NUP160: variants seen among roughly 807,000 people sequenced by gnomAD.
The protein encoded by NUP160 is nucleoporin 160, also known as nuclear pore complex protein Nup160.
A neutral mutation model predicts 196.9 loss-of-function variants in NUP160; 94 were observed. The ratio of observed to expected loss-of-function variants is 0.48; its 90% confidence interval spans 0.40 to 0.57. The LOEUF is 0.57. NUP160 is among the 20% of genes least tolerant of loss of function. The pLI is 0.00. For synonymous variants in NUP160, 605 were observed against 619.7 expected (o/e 0.98, Z 0.35); for missense variants, 1,638 against 1,748.3 (o/e 0.94, Z 1.13).
At chr11:47,821,974 T>C (rs921095767) in intron 8 of NUP160, 113 bp downstream of exon 8, 17 of 985,204 alleles carry the variant, frequency 1.7e-5, no homozygotes, top group Non-Finnish European at 2.2e-5. Flanking sequence ...TTTTGTTCCA[T>C]ATATCATGAA....
exon 3 of NUP160, chr11:47,840,385 T>G: frequency 6.2e-7 from 1 of 1,612,990 alleles, no homozygotes; most frequent in Middle Eastern, 1.7e-4. Context: ...TACACTCCTA[T>G]ACATCCGGGA....
At chr11:47,834,723 A>T (rs1210193085) in intron 7 of NUP160, among the ~76,000 whole-genome samples, 2 of 152,156 alleles carry the variant, frequency 1.3e-5, no homozygotes, top group Non-Finnish European at 2.9e-5. Context: ...AGTGAGTGAG[A>T]AGGGCGTGCA....
exon 12 of NUP160, chr11:47,815,998 T>A (rs777974474): frequency 6.2e-7 from 1 of 1,613,752 alleles, no homozygotes; most frequent in Non-Finnish European, 8.5e-7. Flanking sequence ...CCAGGAAAGA[T>A]CCAAATTCCT....
intron 18 of NUP160, among the ~76,000 whole-genome samples, chr11:47,807,727 C>T (rs1363765925): frequency 6.6e-6 from 1 of 152,106 alleles, no homozygotes; most frequent in East Asian, 1.9e-4. Flanking sequence ...GAAGCTCAGC[C>T]TACCTAAAGT....
At chr11:47,786,428 C>T in intron 32 of NUP160, 25 bp downstream of exon 32, 2 of 1,481,234 alleles carry the variant, frequency 1.4e-6, no homozygotes, top group Non-Finnish European at 1.9e-6. Flanking sequence ...GCAAAACTAC[C>T]CAGGGTTGAA....
intron 35 of NUP160, 107 bp from the exon 36 acceptor site, chr11:47,779,301 G>T (rs868153277): frequency 1.3e-5 from 9 of 676,496 alleles, no homozygotes; most frequent in Middle Eastern, 3.6e-4. Flanking sequence ...TTATAAAGAT[G>T]TTAGCCACTC....
At chr11:47,783,050 G>T in intron 34 of NUP160, 23 bp downstream of exon 34, 1 of 1,598,894 alleles carries the variant, frequency 6.3e-7, no homozygotes, top group South Asian at 1.1e-5. Context: ...ATTGTAAATT[G>T]GGGACCATTT....
chr11:47,815,343 C>A, intron 13 of NUP160, 136 bp downstream of exon 13: 1 of 529,428 alleles, frequency 1.9e-6, no homozygotes, highest in Non-Finnish European at 3.1e-6. Flanking sequence ...AATGCAAAGT[C>A]CTAAATGCTA....
intron 35 of NUP160, 88 bp from the exon 36 acceptor site, chr11:47,779,282 G>C (rs2097659267): frequency 1.3e-6 from 1 of 785,168 alleles, no homozygotes; most frequent in Admixed American, 2.5e-5. Context: ...TCACCAAGTA[G>C]ATTCCACCTT....
At chr11:47,839,966 C>T (rs1157582077) in exon 4 of NUP160, 32 of 1,614,078 alleles carry the variant, frequency 2.0e-5, no homozygotes, top group Non-Finnish European at 2.7e-5. Context: ...GGAGATATTC[C>T]AGGTACTGCT....
At chr11:47,797,743 G>A (rs1226669963) in intron 27 of NUP160, 36 bp downstream of exon 27, 3 of 1,406,466 alleles carry the variant, frequency 2.1e-6, no homozygotes, top group Admixed American at 1.7e-5. Flanking sequence ...AACTAATAAG[G>A]CTGTCTGCAA....
At chr11:47,812,319 T>C in exon 16 of NUP160, 2 of 1,614,144 alleles carry the variant, frequency 1.2e-6, no homozygotes, top group Non-Finnish European at 1.7e-6. Context: ...GAATCCCTTT[T>C]CCATTTCCAC....
chr11:47,784,202 C>T (rs1364007728), intron 33 of NUP160, among the ~76,000 whole-genome samples: 1 of 152,144 alleles, frequency 6.6e-6, no homozygotes, highest in African/African-American at 2.4e-5. Flanking sequence ...ATTTCTGGCT[C>T]CTAGCCTGAG....
chr11:47,823,144 T>G (rs777805469), intron 7 of NUP160, among the ~76,000 whole-genome samples: 26 of 152,302 alleles, frequency 1.7e-4, no homozygotes, highest in Non-Finnish European at 3.4e-4. Context: ...GAAAGTATAG[T>G]CTTCAAAAAT....
Position 47,805,632 on chromosome 11 carries a change from G to A in NUP160, c.2606+521C>T, listed in dbSNP as rs1360967765. Among the ~76,000 whole-genome samples the A allele has an allele frequency of 2.0e-5, 3 of 151,540 alleles. No homozygotes were observed. The East Asian group carries it at 5.8e-4, about 30-fold the overall frequency. ...CTAATTTTTTTTTGTATTTTTAGTAGAGACAGGGTTTCACCGTGTTGTCCA... is the reference window on the plus strand; with the variant it reads ...CTAATTTTTTTTTGTATTTTTAGTAAAGACAGGGTTTCACCGTGTTGTCCA... On this transcript the variant is annotated intron_variant, in intron 20 of 35. Transcript: ENST00000378460.
At position 47,782,289 on chromosome 11, in the gene NUP160, T is replaced by TAAAAA. The variant is rs1164772188; in HGVS notation, c.4116+779_4116+783dup. 9.7e-4 allele frequency among the ~76,000 whole-genome samples: 31 copies of TAAAAA among 31,876 alleles called. 1 individual carries two copies. Among genetic ancestry groups the TAAAAA allele is most frequent in the African/African-American group, 5.6e-3 (12 of 2,162 alleles). 20.9% of individuals were successfully genotyped at this position (31,876 alleles called of 152,430 possible). ...CTTGGGCAACAGAGCAAAACTCAGT[T>TAAAAA]AAAAAAAAAAAAAAATATATATATA... On this transcript the variant is annotated intron_variant, in intron 34 of 35. Coordinates refer to ENST00000378460, the Ensembl canonical transcript of NUP160.
chr11:47,806,093 T>C, intron 20 of NUP160, 60 bp downstream of exon 20: 2 of 1,512,652 alleles, frequency 1.3e-6, no homozygotes, highest in Non-Finnish European at 1.8e-6. Flanking sequence ...GGATTACAGG[T>C]GTGAGCCAAC....
intron 2 of NUP160, chr11:47,841,395 G>A: frequency 4.3e-6 from 2 of 461,470 alleles, no homozygotes; most frequent in Non-Finnish European, 8.4e-6. Flanking sequence ...ATACAATCCT[G>A]ACCAACCGCT....
chr11:47,837,454 C>T (rs896974024), intron 5 of NUP160, 91 bp downstream of exon 5: 13 of 969,844 alleles, frequency 1.3e-5, no homozygotes, highest in South Asian at 6.9e-5. Flanking sequence ...ATAATGTTTG[C>T]CTTGGAATAA....
Sources: gnomAD v4.1 joint callset for allele counts (sites outside exome capture counted in the v4.1 genomes callset) on GRCh38, gnomAD v4.1.1 for gene constraint, MANE v1.5 for transcripts, NCBI Gene and HGNC (gene_info 2026-07-23, HGNC 2026-07-21) for gene names.